Variants in LEKR1 observed in about 807,000 individuals in gnomAD.
LEKR1 encodes protein LEKR1.
LEKR1 carries 59 observed loss-of-function variants against 72.4 expected under a neutral mutation model. The observed-to-expected ratio is 0.82, with a 90% CI of 0.66 to 1.01. The LOEUF (loss-of-function observed/expected upper bound fraction) is 1.01. LEKR1 is among the 50% of genes least tolerant of loss of function. The probability of loss-of-function intolerance (pLI) is 0.00; values close to 1 mark genes in which losing one functional copy is unlikely to be tolerated. For missense variants in LEKR1, 728 were observed against 759.2 expected, an observed-to-expected ratio of 0.96 and a Z score of 0.48; for synonymous variants, 257 against 263.2, an observed-to-expected ratio of 0.98 and a Z score of 0.23.
chr3:156,829,383 A>C lies in LEKR1; in HGVS notation c.48+6A>C. ...TGCCTGAAGAAATCCAAAAGGTATG[A>C]TATATTGTGTTGCTACAGCCTAACA... On this transcript the variant is annotated splice_donor_region_variant and intron_variant, in intron 2 of 12. Coordinates refer to ENST00000356539, the MANE Select transcript of LEKR1 (RefSeq NM_001004316.3). 6.5e-7 allele frequency: 1 copy of C among 1,529,716 alleles called. No individual in the cohort carries two copies. Among genetic ancestry groups the C allele is most frequent in the Non-Finnish European group, 8.8e-7 (1 of 1,141,784 alleles). 94.8% of individuals were successfully genotyped at this position (1,529,716 alleles called of 1,614,324 possible).
At chr3:156,830,596 C>T (rs1298280787) in intron 2 of LEKR1, among the ~76,000 whole-genome samples, 2 of 152,078 alleles carry the variant, frequency 1.3e-5, no homozygotes, top group Admixed American at 1.3e-4. Flanking sequence ...TTTGCAAAAT[C>T]TCTTATAATG....
rs975446488 is a variant in LEKR1 at position 156,827,200 on chromosome 3, G to A, written c.-45+824G>A. 3 of 152,170 alleles carry A rather than the reference G, an allele frequency of 2.0e-5. No homozygotes were observed. The East Asian group carries it at 5.8e-4, about 29-fold the overall frequency. The allele number at this position is 152,170 out of a possible 1,614,324, so 9.4% of individuals were successfully genotyped here. On this transcript the variant is annotated intron_variant, in intron 1 of 12. Transcript: ENST00000356539. ...CTTGAGAAACTTAGTATTTGTGAATGCTTCCTCTATTTAATATGTATGCAA... is the reference window on the plus strand; with the variant it reads ...CTTGAGAAACTTAGTATTTGTGAATACTTCCTCTATTTAATATGTATGCAA...
chr3:156,986,211 A>G (rs1730668135), intron 7 of LEKR1, among the ~76,000 whole-genome samples: 1 of 152,230 alleles, frequency 6.6e-6, no homozygotes, highest in South Asian at 2.1e-4. Context: ...TACAGCAGCA[A>G]TAAGAAATTA....
At chr3:156,866,882 A>G (rs1451983322) in intron 3 of LEKR1, among the ~76,000 whole-genome samples, 1 of 152,034 alleles carries the variant, frequency 6.6e-6, no homozygotes, top group Non-Finnish European at 1.5e-5. Flanking sequence ...TGCACCCTGC[A>G]TACTGTCCTT....
At chr3:156,951,912 T>G (rs1727188662) in intron 6 of LEKR1, among the ~76,000 whole-genome samples, 2 of 151,606 alleles carry the variant, frequency 1.3e-5, no homozygotes, top group Admixed American at 1.3e-4. Flanking sequence ...TGATTTGCTC[T>G]TTAATAGCTT....
intron 2 of LEKR1, among the ~76,000 whole-genome samples, chr3:156,843,980 G>A (rs944253872): frequency 3.3e-5 from 5 of 152,050 alleles, no homozygotes; most frequent in Middle Eastern, 3.2e-3. Context: ...ATTAGAAAAA[G>A]CATTTTCTTC....
chr3:156,986,603 C>G (rs1388257985), intron 7 of LEKR1, among the ~76,000 whole-genome samples: 5 of 152,144 alleles, frequency 3.3e-5, no homozygotes, highest in Non-Finnish European at 5.9e-5. Flanking sequence ...TGAGAGGCAG[C>G]AAAGTGCAGT....
chr3:157,032,514 TTAA>T (rs1449985630), intron 12 of LEKR1, among the ~76,000 whole-genome samples: 1 of 152,156 alleles, frequency 6.6e-6, no homozygotes. Flanking sequence ...TGGCAGTCAA[TTAA>T]TAAAAAGTGA....
chr3:157,023,850 G>A (rs1188905333), intron 10 of LEKR1, among the ~76,000 whole-genome samples: 1 of 152,210 alleles, frequency 6.6e-6, no homozygotes, highest in Non-Finnish European at 1.5e-5. Context: ...CTGAGTCAAA[G>A]TATGGATACA....
intron 3 of LEKR1, among the ~76,000 whole-genome samples, chr3:156,905,290 G>A (rs959853967): frequency 6.6e-6 from 1 of 152,132 alleles, no homozygotes; most frequent in African/African-American, 2.4e-5. Flanking sequence ...TGTACTAAAA[G>A]TACATTGATA....
intron 6 of LEKR1, among the ~76,000 whole-genome samples, chr3:156,975,351 T>C (rs984973798): frequency 2.0e-5 from 3 of 152,164 alleles, no homozygotes; most frequent in Non-Finnish European, 4.4e-5. Flanking sequence ...GCCTGCTTGT[T>C]CTTCCATTAT....
intron 6 of LEKR1, among the ~76,000 whole-genome samples, chr3:156,972,939 T>C (rs1261663069): frequency 3.3e-5 from 5 of 152,100 alleles, no homozygotes; most frequent in Non-Finnish European, 7.4e-5. Flanking sequence ...ATGATATTTG[T>C]ACACTGAATC....
At chr3:156,881,104 C>T (rs987657214) in intron 3 of LEKR1, among the ~76,000 whole-genome samples, 7 of 152,164 alleles carry the variant, frequency 4.6e-5, no homozygotes, top group Admixed American at 1.3e-4. Flanking sequence ...GAGGGATGCC[C>T]TCTCTCAGCA....
chr3:156,868,122 A>G, intron 3 of LEKR1, among the ~76,000 whole-genome samples: 1 of 152,024 alleles, frequency 6.6e-6, no homozygotes, highest in East Asian at 1.9e-4. Flanking sequence ...CTGGCTTTTA[A>G]TATGCCTCCC....
In LEKR1 at chr3:156,920,591, A is replaced by T. The variant is rs924644718; in HGVS notation, c.280A>T (p.Met94Leu). 6.8e-6 allele frequency: 10 copies of T among 1,465,420 alleles called. No individual in the cohort carries two copies. The highest frequency in any genetic ancestry group is 1.7e-4 in the Middle Eastern group (1 of 5,844). The allele number at this position is 1,465,420 out of a possible 1,614,324, so 90.8% of individuals were successfully genotyped here. ...TATTTTTAGAATTTACGATGTAGGC[A>T]TGCAGTTAAAAAGTCAACAAAATGA... is the stretch of plus-strand genomic sequence containing the variant. Reference protein sequence around the residue: ...SKTERIYDVGMQLKSQQNEFQ... With the variant: ...SKTERIYDVGLQLKSQQNEFQ... Residue 94 changes from methionine to leucine, a missense_variant, in exon 4 of 13, where the codon ATG becomes TTG. Transcript: ENST00000356539.
At chr3:156,871,704 C>T (rs1717980371) in intron 3 of LEKR1, among the ~76,000 whole-genome samples, 1 of 152,012 alleles carries the variant, frequency 6.6e-6, no homozygotes, top group Admixed American at 6.6e-5. Context: ...TCTCTGATGG[C>T]CAGTCCTTCA....
Position 156,942,699 on chromosome 3 carries a change from C to T in LEKR1, c.730C>T (p.Gln244Ter), listed in dbSNP as rs1726326997. The T allele has an allele frequency of 8.0e-7, 1 of 1,249,516 alleles. No individual in the cohort carries two copies. Among genetic ancestry groups the T allele is most frequent in the Non-Finnish European group, 1.0e-6 (1 of 974,544 alleles). The allele number at this position is 1,249,516 out of a possible 1,614,324, so 77.4% of individuals were successfully genotyped here. Residue 244 changes from glutamine to a stop codon, truncating the protein, a stop_gained, in exon 6 of 13, where the codon CAA (glutamine) becomes TAA (stop). Coordinates refer to ENST00000356539, the MANE Select transcript of LEKR1 (RefSeq NM_001004316.3). LOFTEE classifies it high-confidence loss of function. ...CTTGCAAACCAGATGCTATGATTTG[C>T]AAAAAGAAGTACTAGGTAAAGAAAA... ...VNLQTRCYDL[Q>*]KEVLDLQCLV...
rs1735725283 is a variant in LEKR1, at chr3:157,045,937, T to C, written c.*187T>C. 1 of 584,976 alleles carries C rather than the reference T, an allele frequency of 1.7e-6. No homozygotes were observed. The highest frequency in any genetic ancestry group is 1.9e-5 in the African/African-American group (1 of 53,792). The allele number at this position is 584,976 out of a possible 1,614,324, so 36.2% of individuals were successfully genotyped here. ...TGTGAAGCCTTATTTTTCAAGAGGG[T>C]TTTGATAGAGTAACAGATCATTAAG... On this transcript the variant is annotated 3_prime_UTR_variant, in exon 13 of 13. Transcript: ENST00000356539.
intron 4 of LEKR1, among the ~76,000 whole-genome samples, chr3:156,923,004 G>A (rs959141891): frequency 1.3e-5 from 2 of 152,068 alleles, no homozygotes; most frequent in African/African-American, 4.8e-5. Flanking sequence ...AATTTCTCTT[G>A]CAGCTCTCTC....
Sources: allele counts gnomAD v4.1 joint callset (sites outside exome capture counted in the v4.1 genomes callset), GRCh38; gene constraint gnomAD v4.1.1; transcripts MANE v1.5; gene names NCBI Gene and HGNC (gene_info 2026-07-23, HGNC 2026-07-21).